TIMP2: variants seen among roughly 807,000 people sequenced by gnomAD.
TIMP2 encodes the protein metalloproteinase inhibitor 2.
In TIMP2, 5 loss-of-function variants were observed where a neutral mutation model predicts 24.3. The ratio of observed to expected loss-of-function variants is 0.21; its 90% CI spans 0.11 to 0.43. The LOEUF (loss-of-function observed/expected upper bound fraction) is 0.43. Among genes scored for constraint, TIMP2 ranks in the 20% least tolerant of loss-of-function variants. TIMP2 has a pLI of 1.00. For missense variants in TIMP2, 221 were observed against 297.5 expected, an observed-to-expected ratio of 0.74 and a Z score of 1.89; for synonymous variants, 130 against 123.2, an observed-to-expected ratio of 1.06 and a Z score of -0.37.
intron 1 of TIMP2, among the ~76,000 whole-genome samples, chr17:78,914,260 C>CATTT (rs200386858): frequency 0.048 from 4,658 of 97,058 alleles, 91 homozygotes; most frequent in Middle Eastern, 0.065. Flanking sequence ...TTTGGCTATT[C>CATTT]ATTTATTTAT....
At chr17:78,859,792 G>A (rs1437749410) in intron 3 of TIMP2, among the ~76,000 whole-genome samples, 4 of 152,142 alleles carry the variant, frequency 2.6e-5, no homozygotes, top group East Asian at 3.9e-4. Context: ...AGGCATTTGC[G>A]ACTAGTCTGG....
At chr17:78,862,369 G>A (rs1298681732) in intron 3 of TIMP2, among the ~76,000 whole-genome samples, 1 of 152,214 alleles carries the variant, frequency 6.6e-6, no homozygotes, top group Non-Finnish European at 1.5e-5. Flanking sequence ...ATTCAATGTG[G>A]AGTCATCTGA....
intron 1 of TIMP2, among the ~76,000 whole-genome samples, chr17:78,882,510 C>T (rs1251982790): frequency 2.6e-5 from 4 of 152,194 alleles, no homozygotes; most frequent in Non-Finnish European, 2.9e-5. Context: ...TGTGGGATCC[C>T]TAAATGTTTG....
intron 4 of TIMP2, chr17:78,857,129 C>T (rs1471964361): frequency 5.1e-6 from 1 of 196,098 alleles, no homozygotes; most frequent in Non-Finnish European, 1.1e-5. Context: ...GCTGGGATCA[C>T]AGGCGTGCAC....
chr17:78,858,624 G>A (rs977114708), intron 3 of TIMP2, among the ~76,000 whole-genome samples: 3 of 152,182 alleles, frequency 2.0e-5, no homozygotes, highest in East Asian at 1.9e-4. Context: ...AAGCTCAAGC[G>A]ATCCTCCCGT....
In TIMP2 at chr17:78,909,592, C is replaced by T. The variant is rs1027120621; in HGVS notation, c.130+15367G>A. On this transcript the variant is annotated intron_variant, in intron 1 of 4. Transcript: ENST00000262768. ...TGGTGCAGCTGGACCCCCAGCTGCC[C>T]GTGTGACCGTGGGCAAACGGATTAT... Among the ~76,000 whole-genome samples the T allele has an allele frequency of 2.7e-5, 4 of 150,334 alleles. No homozygotes were observed. The East Asian group carries it at 5.8e-4, about 22-fold the overall frequency.
intron 1 of TIMP2, 183 bp from the exon 2 acceptor site, chr17:78,874,102 A>G: frequency 1.8e-6 from 1 of 541,570 alleles, no homozygotes; most frequent in Non-Finnish European, 3.3e-6. Context: ...CTCCAGGCTG[A>G]GAGATGATGC....
chr17:78,888,398 A>G (rs9901429), intron 1 of TIMP2, among the ~76,000 whole-genome samples: 36,691 of 151,788 alleles, frequency 0.24, 8,927 homozygotes, highest in African/African-American at 0.63. Context: ...GACCTCAAGC[A>G]ATCCGCCCGC....
chr17:78,857,469 A>G (rs2069533114), intron 4 of TIMP2, 53 bp downstream of exon 4: 1 of 1,611,842 alleles, frequency 6.2e-7, no homozygotes. Flanking sequence ...CCTGCCGTCC[A>G]TCTGGAGACA....
intron 3 of TIMP2, among the ~76,000 whole-genome samples, chr17:78,858,855 A>G (rs967159965): frequency 2.6e-5 from 4 of 151,984 alleles, no homozygotes; most frequent in African/African-American, 4.8e-5. Context: ...ATTTTATTCT[A>G]AAAAAAGGAT....
At chr17:78,887,041 C>T (rs2069830962) in intron 1 of TIMP2, among the ~76,000 whole-genome samples, 1 of 152,040 alleles carries the variant, frequency 6.6e-6, no homozygotes, top group Admixed American at 6.6e-5. Context: ...CTCTACTTGG[C>T]CTGAAGCAGA....
chr17:78,855,888 G>A lies in TIMP2; in HGVS notation c.466-24C>T. The A allele has an allele frequency of 6.2e-7, 1 of 1,612,788 alleles. No homozygotes were observed. The highest frequency in any genetic ancestry group is 8.5e-7 in the Non-Finnish European group (1 of 1,179,378). On this transcript the variant is annotated intron_variant, in intron 4 of 4. Transcript: ENST00000262768. The surrounding 1 kb of genome is among the most constrained non-coding windows in gnomAD (Gnocchi z 6.0). ...ATCTGGGGAGGGGCACACGGAGGGG[G>A]ACGGAGTCAGGGACCCAGGAAGGGG... is the stretch of plus-strand genomic sequence containing the variant.
At chr17:78,893,188 G>T (rs1264545595) in intron 1 of TIMP2, among the ~76,000 whole-genome samples, 3 of 135,360 alleles carry the variant, frequency 2.2e-5, no homozygotes, top group Non-Finnish European at 3.1e-5. Context: ...TGTGTGCAGG[G>T]GTGTGTGCAA....
At chr17:78,874,744 A>ATTTTT (rs36077675) in intron 1 of TIMP2, among the ~76,000 whole-genome samples, 1 of 138,134 alleles carries the variant, frequency 7.2e-6, no homozygotes, top group Non-Finnish European at 1.6e-5. Context: ...CGCCCGGTTA[A>ATTTTT]TTTTTTTTTT....
At chr17:78,856,967 A>C (rs1351059848) in intron 4 of TIMP2, 1 of 152,446 alleles carries the variant, frequency 6.6e-6, no homozygotes, top group African/African-American at 2.4e-5. Context: ...CTTACTCTCA[A>C]ATCTCCTAGC....
At chr17:78,895,784 G>T (rs1271638347) in intron 1 of TIMP2, among the ~76,000 whole-genome samples, 1 of 152,122 alleles carries the variant, frequency 6.6e-6, no homozygotes, top group Non-Finnish European at 1.5e-5. Context: ...GGTGAGGTCG[G>T]GGCTGCTGTG....
At chr17:78,900,476 C>T (rs968904008) in intron 1 of TIMP2, among the ~76,000 whole-genome samples, 7 of 150,488 alleles carry the variant, frequency 4.7e-5, no homozygotes, top group African/African-American at 1.2e-4. Flanking sequence ...ACCCAGGAGG[C>T]GGAGGTTGCA....
At chr17:78,884,123 G>C (rs552478145) in intron 1 of TIMP2, among the ~76,000 whole-genome samples, 26 of 152,330 alleles carry the variant, frequency 1.7e-4, no homozygotes, top group East Asian at 1.2e-3. Context: ...ACAGGAGCAG[G>C]ACCGTGCAGG....
intron 1 of TIMP2, among the ~76,000 whole-genome samples, chr17:78,893,659 T>G (rs528460095): frequency 6.6e-6 from 1 of 152,128 alleles, no homozygotes; most frequent in East Asian, 1.9e-4. Flanking sequence ...GTGTGGGGCA[T>G]GCAGGTATGT....
Sources: allele counts gnomAD v4.1 joint callset (sites outside exome capture counted in the v4.1 genomes callset), GRCh38; gene constraint gnomAD v4.1.1; non-coding constraint Gnocchi (gnomAD v3.1); transcripts MANE v1.5; gene names NCBI Gene and HGNC (gene_info 2026-07-23, HGNC 2026-07-21).